Variants in DBF4B observed in about 807,000 individuals in gnomAD.
The protein encoded by DBF4B is DBF4B-CDC7 kinase regulatory subunit.
In DBF4B, 49 loss-of-function variants were observed where a neutral mutation model predicts 53.4. The ratio of observed to expected loss-of-function variants is 0.92; its 90% CI spans 0.73 to 1.16. The LOEUF (loss-of-function observed/expected upper bound fraction) is 1.16, where lower values mean the gene tolerates loss of function less well. DBF4B is among the 50% of genes most tolerant of loss of function. DBF4B has a pLI of 0.00. For synonymous variants in DBF4B, 257 were observed against 288.7 expected, an observed-to-expected ratio of 0.89 and a Z score of 1.11; for missense variants, 692 against 775.0, an observed-to-expected ratio of 0.89 and a Z score of 1.27.
intron 3 of DBF4B, among the ~76,000 whole-genome samples, chr17:44,729,677 T>TACACACAC (rs1429104175): frequency 3.2e-4 from 32 of 100,472 alleles, no homozygotes; most frequent in African/African-American, 1.0e-3. Flanking sequence ...AAACCTGTAA[T>TACACACAC]ACACATACAC....
intron 2 of DBF4B, among the ~76,000 whole-genome samples, chr17:44,717,470 G>GC (rs920809239): frequency 6.6e-6 from 1 of 152,120 alleles, no homozygotes; most frequent in Non-Finnish European, 1.5e-5. Flanking sequence ...ACTTTGGGAG[G>GC]CCAAGGCAGG....
rs141808166 is a variant in DBF4B, at chr17:44,751,683, C to T, written c.*430C>T. 329 of 1,405,238 alleles carry T rather than the reference C, an allele frequency of 2.3e-4. No individual in the cohort carries two copies. The African/African-American group carries it at 3.5e-3, about 15-fold the overall frequency. The allele number at this position is 1,405,238 out of a possible 1,614,324, so 87.0% of individuals were successfully genotyped here. A position where few individuals can be genotyped will look rare whatever the true frequency, so the allele number is the denominator to read the frequency against. Reference sequence around the variant, plus strand: ...CCTTCTGTTCTCTGGCTCCTTCCTGCGGTCTATACCTACCGCCTCCTCTTC... The same window carrying T: ...CCTTCTGTTCTCTGGCTCCTTCCTGTGGTCTATACCTACCGCCTCCTCTTC... On this transcript the variant is annotated 3_prime_UTR_variant, in exon 14 of 14. Coordinates refer to ENST00000315005, the MANE Select transcript of DBF4B (RefSeq NM_145663.3).
chr17:44,738,316 G>A, intron 8 of DBF4B, 63 bp from the exon 9 acceptor site: 3 of 1,511,444 alleles, frequency 2.0e-6, no homozygotes, highest in South Asian at 2.5e-5. Flanking sequence ...TTTCCTGCAT[G>A]TGTGGTGCAG....
At chr17:44,736,597 C>T (rs1339850455) in intron 7 of DBF4B, among the ~76,000 whole-genome samples, 3 of 152,192 alleles carry the variant, frequency 2.0e-5, no homozygotes, top group Non-Finnish European at 4.4e-5. Context: ...CCTGCACAGT[C>T]AGCTGCCATT....
Position 44,751,553 on chromosome 17 carries a change from C to G in DBF4B, c.*300C>G. On this transcript the variant is annotated 3_prime_UTR_variant, in exon 14 of 14. Coordinates refer to ENST00000315005, the MANE Select transcript of DBF4B (RefSeq NM_145663.3). ...GCCAACCACTCTTGTTGGTTTCCTT[C>G]TCAGACTTGCCACCTTTCCCCTCTG... The G allele has an allele frequency of 7.4e-7, 1 of 1,357,548 alleles. No homozygotes were observed. The highest frequency in any genetic ancestry group is 1.8e-5 in the South Asian group (1 of 54,260). 84.1% of individuals were successfully genotyped at this position (1,357,548 alleles called of 1,614,324 possible).
In DBF4B at chr17:44,732,275, CTG is replaced by C. The variant is rs1568181126; in HGVS notation, c.556+13_556+14del. The C allele has an allele frequency of 6.2e-7, 1 of 1,613,744 alleles. No individual in the cohort carries two copies. The highest frequency in any genetic ancestry group is 2.2e-5 in the East Asian group (1 of 44,862). ...ATTCTGCACGTGGATGGTACCCTTT[CTG>C]TGCTGGGCTCCTGTGGAGGGAGAAT... On this transcript the variant is annotated intron_variant, in intron 6 of 13. Transcript: ENST00000315005.
chr17:44,730,151 G>A, intron 4 of DBF4B, 55 bp downstream of exon 4: 1 of 1,564,732 alleles, frequency 6.4e-7, no homozygotes, highest in Non-Finnish European at 8.7e-7. Flanking sequence ...GTAGGCTTTG[G>A]TGAGCCTTTT....
intron 2 of DBF4B, among the ~76,000 whole-genome samples, chr17:44,718,645 A>G (rs1381078186): frequency 6.6e-6 from 1 of 152,074 alleles, no homozygotes; most frequent in African/African-American, 2.4e-5. Context: ...CAGGAGGCAC[A>G]TGATGAAGAT....
chr17:44,729,211 T>G (rs1974604950), intron 3 of DBF4B, among the ~76,000 whole-genome samples: 1 of 151,876 alleles, frequency 6.6e-6, no homozygotes, highest in Non-Finnish European at 1.5e-5. Context: ...GCCTTTTTTT[T>G]TCTTTTTTTT....
chr17:44,750,930 T>G lies in DBF4B; in HGVS notation c.1525T>G (p.Trp509Gly). The change falls in exon 14 of 14, where the codon TGG (tryptophan) becomes GGG (glycine). Residue 509 changes from tryptophan (W) to glycine (G), a missense_variant. This residue lies in a region of DBF4B where 597 missense variants were observed against 665.8 expected (regional missense o/e 0.90). Coordinates refer to ENST00000315005, the MANE Select transcript of DBF4B (RefSeq NM_145663.3). ...ARPWLMSARC[W>G]VRPFPFVTWG... is the part of the protein sequence containing the mutation. ...ACCGTGGCTTATGTCTGCACGCTGC[T>G]GGGTTCGTCCCTTTCCTTTTGTGAC... The G allele has an allele frequency of 6.2e-7, 1 of 1,614,238 alleles. No individual in the cohort carries two copies. Among genetic ancestry groups the G allele is most frequent in the Non-Finnish European group, 8.5e-7 (1 of 1,180,038 alleles).
intron 2 of DBF4B, among the ~76,000 whole-genome samples, chr17:44,721,284 T>C (rs1407391739): frequency 7.1e-6 from 1 of 140,062 alleles, no homozygotes; most frequent in African/African-American, 2.8e-5. Context: ...AGTGGCATGA[T>C]CTCAGCTCAC....
Position 44,749,126 on chromosome 17 carries a change from CG to C in DBF4B, c.1189+664del. ...TACTCAGCTACCAGTGTGCAGCCCT[CG>C]GGAGCACCTGTAGAGAGCAGGTCTA... On this transcript the variant is annotated intron_variant, in intron 13 of 13. Transcript: ENST00000315005. This position sits in a 1 kb window ranked among gnomAD's most constrained non-coding sequence, Gnocchi z 4.4. The C allele has an allele frequency of 7.8e-7, 1 of 1,289,674 alleles. No individual in the cohort carries two copies. The highest frequency in any genetic ancestry group is 1.0e-6 in the Non-Finnish European group (1 of 988,802). 79.9% of individuals were successfully genotyped at this position (1,289,674 alleles called of 1,614,324 possible). A position where few individuals can be genotyped will look rare whatever the true frequency, so the allele number is the denominator to read the frequency against.
Position 44,749,829 on chromosome 17 carries a change from TTC to T in DBF4B, c.1190-763_1190-762del. The T allele has an allele frequency of 9.7e-7, 1 of 1,032,482 alleles. No homozygotes were observed. The highest frequency in any genetic ancestry group is 3.7e-5 in the South Asian group (1 of 26,676). The allele number at this position is 1,032,482 out of a possible 1,614,324, so 64.0% of individuals were successfully genotyped here. On this transcript the variant is annotated intron_variant, in intron 13 of 13. Coordinates refer to ENST00000315005, the MANE Select transcript of DBF4B (RefSeq NM_145663.3). The surrounding 1 kb of genome is among the most constrained non-coding windows in gnomAD (Gnocchi z 4.4). ...GCTCCACCCCCAACCCCGGCCTCCT[TTC>T]TCACGAGCATGTGGCCGCTCCTGCT...
At chr17:44,750,264 TA>T in intron 13 of DBF4B, 3 of 1,062,284 alleles carry the variant, frequency 2.8e-6, no homozygotes, top group Non-Finnish European at 3.4e-6. Context: ...TTTCTTTCAT[TA>T]CAATTTGTAC....
chr17:44,739,213 A>G (rs891307015), intron 9 of DBF4B, among the ~76,000 whole-genome samples: 2 of 152,276 alleles, frequency 1.3e-5, no homozygotes, highest in Admixed American at 6.5e-5. Flanking sequence ...TTCAGTAAGT[A>G]CAAGATCGAA....
intron 2 of DBF4B, chr17:44,720,358 CA>C (rs1973723829): frequency 4.6e-6 from 1 of 215,138 alleles, no homozygotes; most frequent in Admixed American, 5.2e-5. Context: ...TTTTTCTTTT[CA>C]ACCTTGGATT....
Position 44,752,019 on chromosome 17 carries a change from G to T in DBF4B, c.*766G>T, listed in dbSNP as rs1471038947. The T allele has an allele frequency of 6.6e-7, 1 of 1,525,872 alleles. No individual in the cohort carries two copies. The highest frequency in any genetic ancestry group is 8.8e-7 in the Non-Finnish European group (1 of 1,137,878). 94.5% of individuals were successfully genotyped at this position (1,525,872 alleles called of 1,614,324 possible). ...AGCCCTAACTACTTTACTCAGACTA[G>T]GTCCCCAGGCCTTTGTTCTTGCCTC... On this transcript the variant is annotated 3_prime_UTR_variant, in exon 14 of 14. Coordinates refer to ENST00000315005, the MANE Select transcript of DBF4B (RefSeq NM_145663.3).
At chr17:44,730,461 G>A (rs1974737909) in intron 4 of DBF4B, among the ~76,000 whole-genome samples, 1 of 152,178 alleles carries the variant, frequency 6.6e-6, no homozygotes, top group Non-Finnish European at 1.5e-5. Context: ...AGGGCCAAGA[G>A]TTTGGACAAT....
chr17:44,722,141 G>GA (rs75435755), intron 2 of DBF4B, among the ~76,000 whole-genome samples: 156 of 135,206 alleles, frequency 1.2e-3, no homozygotes, highest in Middle Eastern at 3.6e-3. Flanking sequence ...TTTCAAAAGG[G>GA]AAAAAAAAAA....
Sources: gnomAD v4.1 joint callset for allele counts (sites outside exome capture counted in the v4.1 genomes callset) on GRCh38, gnomAD v4.1.1 for gene constraint, gnomAD v4.1.1 regional missense constraint, Gnocchi (gnomAD v3.1) non-coding constraint, MANE v1.5 for transcripts, NCBI Gene and HGNC (gene_info 2026-07-23, HGNC 2026-07-21) for gene names.